Variants in CHL1 observed in about 807,000 individuals in gnomAD.
CHL1 encodes neural cell adhesion molecule L1-like protein.
Under a neutral mutation model 141.9 loss-of-function variants are expected in CHL1, and 96 were observed. The ratio of observed to expected loss-of-function variants is 0.68; its 90% CI spans 0.57 to 0.80. The LOEUF is 0.80. CHL1 is among the 30% of genes least tolerant of loss of function. The pLI is 0.00. For missense variants in CHL1, 1,820 were observed against 1,457.2 expected, an observed-to-expected ratio of 1.25 and a Z score of -4.05; for synonymous variants, 613 against 502.2, an observed-to-expected ratio of 1.22 and a Z score of -2.95.
At chr3:315,673 T>C (rs936051966) in intron 2 of CHL1, among the ~76,000 whole-genome samples, 1 of 152,116 alleles carries the variant, frequency 6.6e-6, no homozygotes, top group Non-Finnish European at 1.5e-5. Flanking sequence ...GTTAAACTAA[T>C]GTCTTGAAAT....
chr3:363,563 C>T, intron 14 of CHL1, 180 bp downstream of exon 14: 1 of 573,624 alleles, frequency 1.7e-6, no homozygotes, highest in Non-Finnish European at 3.1e-6. Context: ...CAGGGTATGC[C>T]CATGATATGT....
chr3:282,997 T>C (rs1037657475), intron 2 of CHL1, among the ~76,000 whole-genome samples: 2 of 152,150 alleles, frequency 1.3e-5, no homozygotes, highest in Non-Finnish European at 2.9e-5. Flanking sequence ...CATCTGGTGG[T>C]TTTCTAACAG....
At chr3:207,668 A>G (rs955159765) in intron 1 of CHL1, among the ~76,000 whole-genome samples, 1 of 152,218 alleles carries the variant, frequency 6.6e-6, no homozygotes, top group Admixed American at 6.5e-5. Flanking sequence ...TGAGACATAT[A>G]CTATTTTCCA....
intron 1 of CHL1, among the ~76,000 whole-genome samples, chr3:211,847 T>C (rs933627489): frequency 2.0e-5 from 3 of 152,204 alleles, no homozygotes; most frequent in African/African-American, 4.8e-5. Flanking sequence ...ATATATTATT[T>C]AATTTGATAC....
chr3:231,598 G>C (rs1321047924), intron 1 of CHL1, among the ~76,000 whole-genome samples: 1 of 98,568 alleles, frequency 1.0e-5, no homozygotes, highest in Non-Finnish European at 2.0e-5. Flanking sequence ...TTTTTTTTGA[G>C]ATGGAGTCTC....
chr3:383,894 T>C lies in CHL1; in HGVS notation c.2247+8T>C. 6.3e-7 allele frequency: 1 copy of C among 1,589,952 alleles called. No homozygotes were observed. The highest frequency in any genetic ancestry group is 8.6e-7 in the Non-Finnish European group (1 of 1,159,902). Reference sequence around the variant, plus strand: ...ATGATTATAAAGTGGGAGGTGTGTATTTCTTAATACGTTATGTATTTCTTT... The same window carrying C: ...ATGATTATAAAGTGGGAGGTGTGTACTTCTTAATACGTTATGTATTTCTTT... On this transcript the variant is annotated splice_region_variant and intron_variant, in intron 19 of 27. Coordinates refer to ENST00000256509, the MANE Select transcript of CHL1 (RefSeq NM_006614.4).
chr3:322,527 G>T (rs1002143065), intron 3 of CHL1, among the ~76,000 whole-genome samples: 1 of 150,528 alleles, frequency 6.6e-6, no homozygotes, highest in South Asian at 2.1e-4. Flanking sequence ...AGTAATGAGG[G>T]CTGGGCGTGG....
intron 1 of CHL1, among the ~76,000 whole-genome samples, chr3:200,986 C>T (rs961911032): frequency 2.0e-5 from 3 of 152,130 alleles, no homozygotes; most frequent in South Asian, 2.1e-4. Flanking sequence ...ATTAGCACCA[C>T]GTAGAGAATA....
At chr3:197,808 G>A (rs1005014764) in intron 1 of CHL1, 1 of 456,468 alleles carries the variant, frequency 2.2e-6, no homozygotes, top group African/African-American at 2.0e-5. Flanking sequence ...GCGGAGCCCG[G>A]GGGGCTGGAG....
chr3:307,968 C>T (rs1474343293), intron 2 of CHL1, among the ~76,000 whole-genome samples: 1 of 152,100 alleles, frequency 6.6e-6, no homozygotes, highest in Non-Finnish European at 1.5e-5. Flanking sequence ...ACCACTAAAA[C>T]CTATGAATAT....
At chr3:303,873 G>C (rs1015926344) in intron 2 of CHL1, among the ~76,000 whole-genome samples, 2 of 152,114 alleles carry the variant, frequency 1.3e-5, no homozygotes, top group African/African-American at 2.4e-5. Flanking sequence ...GCCATAAATA[G>C]CTCTTATTAT....
At chr3:211,473 C>T (rs891750566) in intron 1 of CHL1, among the ~76,000 whole-genome samples, 4 of 152,146 alleles carry the variant, frequency 2.6e-5, no homozygotes, top group African/African-American at 9.7e-5. Context: ...GAACTGCTGC[C>T]ATGTCTGGTG....
chr3:330,999 A>T (rs762305258), intron 5 of CHL1, among the ~76,000 whole-genome samples: 1 of 152,164 alleles, frequency 6.6e-6, no homozygotes, highest in Non-Finnish European at 1.5e-5. Flanking sequence ...TGAACTAAAC[A>T]TTGTGGAACA....
intron 10 of CHL1, 83 bp from the exon 11 acceptor site, chr3:354,557 G>C: frequency 6.8e-7 from 1 of 1,471,566 alleles, no homozygotes; most frequent in Middle Eastern, 1.9e-4. Flanking sequence ...CTCTGCTGGT[G>C]CAAAGTAGAA....
chr3:338,844 A>G (rs1356740218), intron 5 of CHL1, among the ~76,000 whole-genome samples: 1 of 152,214 alleles, frequency 6.6e-6, no homozygotes, highest in East Asian at 1.9e-4. Context: ...TCTAGATTTA[A>G]TTAATGCAAG....
intron 5 of CHL1, among the ~76,000 whole-genome samples, chr3:338,333 T>C (rs1702097830): frequency 1.3e-5 from 2 of 152,226 alleles, no homozygotes; most frequent in East Asian, 3.8e-4. Context: ...AAAAAATATT[T>C]TTTTAATTTA....
At chr3:199,329 C>G (rs1475882191) in intron 1 of CHL1, among the ~76,000 whole-genome samples, 1 of 152,248 alleles carries the variant, frequency 6.6e-6, no homozygotes, top group South Asian at 2.1e-4. Flanking sequence ...TTTGTACCCA[C>G]TTCACTGCAG....
At chr3:259,717 T>A (rs1020259503) in intron 2 of CHL1, among the ~76,000 whole-genome samples, 1 of 152,326 alleles carries the variant, frequency 6.6e-6, no homozygotes, top group Non-Finnish European at 1.5e-5. Flanking sequence ...ACTTTGTTTT[T>A]TTACCACTGC....
chr3:219,500 T>C (rs1389397748), intron 1 of CHL1, among the ~76,000 whole-genome samples: 1 of 152,208 alleles, frequency 6.6e-6, no homozygotes, highest in East Asian at 1.9e-4. Context: ...TGGACTATTA[T>C]GCAGCCATTA....
Sources: gnomAD v4.1 joint callset for allele counts (sites outside exome capture counted in the v4.1 genomes callset) on GRCh38, gnomAD v4.1.1 for gene constraint, MANE v1.5 for transcripts, NCBI Gene and HGNC (gene_info 2026-07-23, HGNC 2026-07-21) for gene names.